SH3BP5: variants seen among roughly 807,000 people sequenced by gnomAD.
SH3BP5 encodes SH3 domain-binding protein 5.
SH3BP5 carries 22 observed loss-of-function variants against 43.3 expected under a neutral mutation model. That is an observed-to-expected ratio of 0.51 (90% CI 0.36 to 0.73). The LOEUF is 0.73. Ranked by LOEUF, SH3BP5 falls within the 30% of genes least tolerant of loss-of-function variation. The pLI, the probability that SH3BP5 is intolerant of heterozygous loss-of-function variation, is 0.00. For missense variants in SH3BP5, 529 were observed against 586.9 expected (o/e 0.90, Z 1.02); for synonymous variants, 255 against 225.8 (o/e 1.13, Z -1.16).
chr3:15,299,049 G>T (rs6442510), intron 3 of SH3BP5, among the ~76,000 whole-genome samples: 11,334 of 152,194 alleles, frequency 0.074, 1,432 homozygotes, highest in African/African-American at 0.26. Context: ...AGGAGAAAAA[G>T]AAGGGTTGGG....
intron 8 of SH3BP5, 69 bp from the exon 9 acceptor site, chr3:15,256,372 A>G (rs570964011): frequency 1.3e-6 from 2 of 1,491,118 alleles, no homozygotes; most frequent in African/African-American, 2.8e-5. Flanking sequence ...AGAAATACAA[A>G]GATTATCAAA....
At position 15,332,348 on chromosome 3, in the gene SH3BP5, G is replaced by C. The variant is rs1390726495; in HGVS notation, c.61C>G (p.Arg21Gly). ...EEPAEILPPA[R>G]DEEEEEEEGM... ...TCTTCCTCCTCCTCCTCCTCGTCCCGGGCAGGCGGCAGGATTTCGGCTGGC... is the reference window on the plus strand; with the variant it reads ...TCTTCCTCCTCCTCCTCCTCGTCCCCGGCAGGCGGCAGGATTTCGGCTGGC... The change falls in exon 1 of 9, where the codon CGG (arginine) becomes GGG (glycine). Residue 21 changes from arginine (R) to glycine (G), a missense_variant. Arg to Gly is a moderately radical substitution (Grantham distance 125). Around this residue, in one of 3 missense-constraint regions of SH3BP5, gnomAD observed 75 missense variants for 61.8 expected, o/e 1.21. Coordinates refer to ENST00000383791, the MANE Select transcript of SH3BP5 (RefSeq NM_004844.5). 6.5e-7 allele frequency: 1 copy of C among 1,542,380 alleles called. No individual in the cohort carries two copies. Among genetic ancestry groups the C allele is most frequent in the Non-Finnish European group, 8.7e-7 (1 of 1,148,436 alleles).
chr3:15,340,980 A>T (rs1459607867), intron 1 of SH3BP5, among the ~76,000 whole-genome samples: 1 of 152,140 alleles, frequency 6.6e-6, no homozygotes, highest in Non-Finnish European at 1.5e-5. Context: ...GGAACCCGGG[A>T]GGCGGAGGTT....
upstream of SH3BP5, among the ~76,000 whole-genome samples, chr3:15,335,638 T>TA (rs1182277654): frequency 3.3e-5 from 5 of 152,176 alleles, no homozygotes; most frequent in Non-Finnish European, 7.3e-5. Context: ...ATGTAGGTTA[T>TA]ATGTAAACAC....
Position 15,265,555 on chromosome 3 carries a change from CACACAA to C in SH3BP5, c.496-3272_496-3267del, listed in dbSNP as rs1475135152. Among the ~76,000 whole-genome samples, 7 of 142,500 alleles carry C rather than the reference CACACAA, an allele frequency of 4.9e-5. No homozygotes were observed. In the South Asian group the frequency reaches 1.1e-3, roughly 23 times the overall value. 93.5% of individuals were successfully genotyped at this position (142,500 alleles called of 152,430 possible). On this transcript the variant is annotated intron_variant, in intron 4 of 8. Coordinates refer to ENST00000383791, the MANE Select transcript of SH3BP5 (RefSeq NM_004844.5). ...ACACACACACACACACACACACACACACACAACCCTCCAGCTCCTGGAAGAGACCTC... is the reference window on the plus strand; with the variant it reads ...ACACACACACACACACACACACACACCCCTCCAGCTCCTGGAAGAGACCTC...
chr3:15,292,638 CAA>C (rs1697443609), intron 3 of SH3BP5, among the ~76,000 whole-genome samples: 1 of 152,168 alleles, frequency 6.6e-6, no homozygotes, highest in Non-Finnish European at 1.5e-5. Flanking sequence ...CACCTGAGGT[CAA>C]GAGTTTGAGA....
Position 15,304,249 on chromosome 3 carries a change from C to G in SH3BP5, c.202-18G>C. 1 of 1,614,048 alleles carries G rather than the reference C, an allele frequency of 6.2e-7. No homozygotes were observed. Among genetic ancestry groups the G allele is most frequent in the Non-Finnish European group, 8.5e-7 (1 of 1,179,994 alleles). On this transcript the variant is annotated intron_variant, in intron 2 of 8. Coordinates refer to ENST00000383791, the MANE Select transcript of SH3BP5 (RefSeq NM_004844.5). ...CGAGCATCCTGCAGCCAGGGGAAAC[C>G]GAGGAAACACAGTTGAGGCTTAAGA...
In SH3BP5 at chr3:15,256,961, C is replaced by G; in HGVS notation, c.1042G>C (p.Asp348His). 2 of 1,614,222 alleles carry G rather than the reference C, an allele frequency of 1.2e-6. No homozygotes were observed. Among genetic ancestry groups the G allele is most frequent in the Non-Finnish European group, 1.7e-6 (2 of 1,180,040 alleles). Residue 348 changes from aspartate (D) to histidine (H), a missense_variant, in exon 8 of 9, where the codon GAT becomes CAT. By Grantham distance (81) the Asp-to-His change is moderately conservative. Transcript: ENST00000383791. ...GACAGGGACACAGGGCTGGGCAGAT[C>G]CAGGCTGCCAGGCCTCACAACCGCA... ...FPAVVRPGSL[D>H]LPSPVSLSEF...
In SH3BP5 at chr3:15,303,321, A is replaced by C. The variant is rs375714414; in HGVS notation, c.330+782T>G. Among the ~76,000 whole-genome samples the C allele has an allele frequency of 6.7e-4, 102 of 152,358 alleles. 1 individual carries two copies. The South Asian group carries it at 0.021, about 31-fold the overall frequency. On this transcript the variant is annotated intron_variant, in intron 3 of 8. Transcript: ENST00000383791. ...ATTAGCTCTCTAATCGGGAAGCCGA[A>C]GCAGGCTGAGGAAGGTGAATAAAGC... is the stretch of plus-strand genomic sequence containing the variant.
intron 4 of SH3BP5, among the ~76,000 whole-genome samples, chr3:15,262,737 C>T (rs577802845): frequency 6.6e-6 from 1 of 152,180 alleles, no homozygotes; most frequent in African/African-American, 2.4e-5. Context: ...GTGGGTGGAT[C>T]GCCTAAGGTC....
intron 2 of SH3BP5, among the ~76,000 whole-genome samples, chr3:15,307,953 C>T (rs1697955713): frequency 6.6e-6 from 1 of 152,140 alleles, no homozygotes; most frequent in Admixed American, 6.5e-5. Flanking sequence ...AAGCTTAGTA[C>T]ATTTGGCTGA....
At chr3:15,326,139 GA>G (rs1698457810) in intron 2 of SH3BP5, among the ~76,000 whole-genome samples, 1 of 152,172 alleles carries the variant, frequency 6.6e-6, no homozygotes, top group South Asian at 2.1e-4. Flanking sequence ...TTTACAGCTT[GA>G]AAAGGTTGGC....
chr3:15,311,320 C>T, intron 2 of SH3BP5, among the ~76,000 whole-genome samples: 1 of 152,132 alleles, frequency 6.6e-6, no homozygotes, highest in Middle Eastern at 3.2e-3. Flanking sequence ...AATCCCAGCA[C>T]TTTGGGAGGC....
At chr3:15,280,290 C>T (rs1380688117) in intron 3 of SH3BP5, among the ~76,000 whole-genome samples, 1 of 152,094 alleles carries the variant, frequency 6.6e-6, no homozygotes, top group Non-Finnish European at 1.5e-5. Flanking sequence ...CTCTCACCTT[C>T]ATGCTCTAGC....
upstream of SH3BP5, among the ~76,000 whole-genome samples, chr3:15,337,084 GTTTTTTTTTT>G (rs374056927): frequency 1.1e-3 from 107 of 100,118 alleles, 1 homozygote; most frequent in African/African-American, 4.1e-3. Context: ...TTTTAGTTTA[GTTTTTTTTTT>G]TTTTTTTTTT....
intron 3 of SH3BP5, among the ~76,000 whole-genome samples, chr3:15,274,709 A>G (rs1259519422): frequency 1.3e-5 from 2 of 152,100 alleles, no homozygotes; most frequent in African/African-American, 4.8e-5. Context: ...GACACCAATA[A>G]TAATTTTTGT....
At chr3:15,296,188 C>A (rs1458387271) in intron 3 of SH3BP5, among the ~76,000 whole-genome samples, 2 of 152,140 alleles carry the variant, frequency 1.3e-5, no homozygotes, top group Non-Finnish European at 2.9e-5. Flanking sequence ...ATAACACCAC[C>A]TTCAAGAAGA....
rs5846867 is a variant in SH3BP5 at position 15,337,914 on chromosome 3, C to CAAA, written c.-402+3306_-402+3308dup. Among the ~76,000 whole-genome samples, 250 of 62,636 alleles carry CAAA rather than the reference C, an allele frequency of 4.0e-3. 5 individuals are homozygous for CAAA. The highest frequency in any genetic ancestry group is 0.011 in the Middle Eastern group (1 of 92). The allele number at this position is 62,636 out of a possible 152,430, so 41.1% of individuals were successfully genotyped here. A position where few individuals can be genotyped will look rare whatever the true frequency, so the allele number is the denominator to read the frequency against. On this transcript the variant is annotated intron_variant, in intron 1 of 8. Transcript: ENST00000408919. ...TGGGTGACAGAGTGAGACCCTGACT[C>CAAA]AAAAAAAAAAAAAAAAAAAAAAAGT...
upstream of SH3BP5, chr3:15,332,715 T>G: frequency 9.6e-7 from 1 of 1,040,758 alleles, no homozygotes; most frequent in Non-Finnish European, 1.2e-6. Flanking sequence ...AAACCCCAGC[T>G]CCCTCCACAT....
Sources: allele counts gnomAD v4.1 joint callset (sites outside exome capture counted in the v4.1 genomes callset), GRCh38; gene constraint gnomAD v4.1.1; regional missense constraint gnomAD v4.1.1; transcripts MANE v1.5; gene names NCBI Gene and HGNC (gene_info 2026-07-23, HGNC 2026-07-21).